DNAH9: variants seen among roughly 807,000 people sequenced by gnomAD.
DNAH9 encodes the protein dynein axonemal heavy chain 9, also known as DNAH9 variant protein.
A neutral mutation model predicts 471.6 loss-of-function variants in DNAH9; 345 were observed. The observed-to-expected ratio is 0.73, with a 90% CI of 0.67 to 0.80. DNAH9 has a LOEUF of 0.80. Ranked by LOEUF, DNAH9 falls within the 30% of genes least tolerant of loss-of-function variation. DNAH9 has a pLI of 0.00. For synonymous variants in DNAH9, 2,093 were observed against 2,123.6 expected, an observed-to-expected ratio of 0.99 and a Z score of 0.40; for missense variants, 5,407 against 5,609.2, an observed-to-expected ratio of 0.96 and a Z score of 1.15.
chr17:11,926,839 T>C (rs1435018657), intron 62 of DNAH9, among the ~76,000 whole-genome samples: 2 of 152,216 alleles, frequency 1.3e-5, no homozygotes, highest in Non-Finnish European at 2.9e-5. Flanking sequence ...CTACACTGTC[T>C]TCCACAACGG....
At chr17:11,660,232 A>G (rs2073732770) in intron 14 of DNAH9, among the ~76,000 whole-genome samples, 1 of 151,444 alleles carries the variant, frequency 6.6e-6, no homozygotes, top group Non-Finnish European at 1.5e-5. Flanking sequence ...GCTGATGGTG[A>G]TACTAGTTAC....
At chr17:11,860,099 C>T (rs1156506161) in intron 50 of DNAH9, among the ~76,000 whole-genome samples, 2 of 152,224 alleles carry the variant, frequency 1.3e-5, no homozygotes, top group Admixed American at 1.3e-4. Context: ...TGTCCATAGA[C>T]TGATCTGCAA....
chr17:11,677,697 C>CT lies in DNAH9; in HGVS notation c.3354-2055dup, dbSNP rs563107798. ...GTTCTTTTAGTTTGCTATTCTTTTT[C>CT]TTTTTCATTGACTTCCTTTTTTGTC... On this transcript the variant is annotated intron_variant, in intron 17 of 68. Transcript: ENST00000262442. Among the ~76,000 whole-genome samples the CT allele has an allele frequency of 1.6e-4, 24 of 151,958 alleles. No homozygotes were observed. In the South Asian group the frequency reaches 4.6e-3, roughly 29 times the overall value.
chr17:11,707,819 C>T (rs1239464080), intron 26 of DNAH9, among the ~76,000 whole-genome samples: 8 of 152,066 alleles, frequency 5.3e-5, no homozygotes, highest in Non-Finnish European at 1.2e-4. Flanking sequence ...CACCTCAGCA[C>T]CTGCACACAC....
intron 56 of DNAH9, among the ~76,000 whole-genome samples, chr17:11,885,332 G>A (rs1444569503): frequency 2.6e-5 from 4 of 152,200 alleles, no homozygotes; most frequent in Non-Finnish European, 4.4e-5. Flanking sequence ...GGGGGTGGGA[G>A]CTGGAAGTGG....
chr17:11,823,133 A>T, intron 48 of DNAH9, 99 bp downstream of exon 48: 1 of 1,023,962 alleles, frequency 9.8e-7, no homozygotes. Context: ...GATCTGAAAA[A>T]TATGTACGGT....
intron 43 of DNAH9, among the ~76,000 whole-genome samples, chr17:11,801,940 G>A (rs547291465): frequency 5.3e-5 from 8 of 152,170 alleles, no homozygotes; most frequent in African/African-American, 1.9e-4. Context: ...TTCTTCCATA[G>A]GCTTATAAAC....
intron 14 of DNAH9, among the ~76,000 whole-genome samples, chr17:11,657,659 A>T (rs1015308728): frequency 2.6e-5 from 4 of 151,936 alleles, no homozygotes; most frequent in Non-Finnish European, 4.4e-5. Context: ...TTTCTTTTAG[A>T]AGTTTTACAG....
chr17:11,792,972 A>T (rs180847857), intron 41 of DNAH9, among the ~76,000 whole-genome samples: 1 of 152,354 alleles, frequency 6.6e-6, no homozygotes, highest in Admixed American at 6.5e-5. Context: ...TCATCTGGCG[A>T]AGCATCTAGT....
chr17:11,942,810 A>T (rs1974972277), intron 67 of DNAH9, among the ~76,000 whole-genome samples: 1 of 151,644 alleles, frequency 6.6e-6, no homozygotes, highest in Non-Finnish European at 1.5e-5. Flanking sequence ...ATTACTGTTC[A>T]CTCCGATGAC....
chr17:11,834,909 T>C lies in DNAH9; in HGVS notation c.9507+11T>C, dbSNP rs375324976. On this transcript the variant is annotated intron_variant, in intron 49 of 68. Transcript: ENST00000262442. Reference sequence around the variant, plus strand: ...AACACCCTGAACAAGGTAGGAGGACTGTCTGCCATACCTGCTCATCCCTCA... The same window carrying C: ...AACACCCTGAACAAGGTAGGAGGACCGTCTGCCATACCTGCTCATCCCTCA... 58 of 1,610,734 alleles carry C rather than the reference T, an allele frequency of 3.6e-5. No individual in the cohort carries two copies. Among genetic ancestry groups the C allele is most frequent in the African/African-American group, 2.5e-4 (19 of 74,866 alleles).
rs1974461213 is a variant in DNAH9 at position 11,930,164 on chromosome 17, G to A, written c.12105+71G>A. 11 of 1,340,296 alleles carry A rather than the reference G, an allele frequency of 8.2e-6. No homozygotes were observed. The South Asian group carries it at 1.2e-4, about 14-fold the overall frequency. 83.0% of individuals were successfully genotyped at this position (1,340,296 alleles called of 1,614,324 possible). ...CAGCTGATGCAAACTGGTGGGGGGA[G>A]AGCATGCAACTCAGAAGGGAGTCGG... On this transcript the variant is annotated intron_variant, in intron 63 of 68. Coordinates refer to ENST00000262442, the MANE Select transcript of DNAH9 (RefSeq NM_001372.4).
Position 11,680,726 on chromosome 17 carries a change from C to G in DNAH9, c.3580C>G (p.Leu1194Val), listed in dbSNP as rs1365799463. The change falls in exon 19 of 69, where the codon CTG becomes GTG. Residue 1194 changes from leucine to valine, a missense_variant. By Grantham distance (32) the Leu-to-Val change is conservative. Transcript: ENST00000262442. Reference sequence around the variant, plus strand: ...CACACTGAGGTTTCCTTTGCAGGAGCTGCCTGAGAAATGGAACAACATAAA... The same window carrying G: ...CACACTGAGGTTTCCTTTGCAGGAGGTGCCTGAGAAATGGAACAACATAAA... ...PETVFKQLEE[L>V]PEKWNNIKKV... 2 of 1,613,906 alleles carry G rather than the reference C, an allele frequency of 1.2e-6. No individual in the cohort carries two copies. Among genetic ancestry groups the G allele is most frequent in the Non-Finnish European group, 1.7e-6 (2 of 1,179,900 alleles).
intron 57 of DNAH9, among the ~76,000 whole-genome samples, chr17:11,887,684 G>A (rs1597791122): frequency 6.6e-6 from 1 of 151,816 alleles, no homozygotes; most frequent in Non-Finnish European, 1.5e-5. Context: ...CAGAGAAACA[G>A]GAGAGAGAGA....
intron 12 of DNAH9, 90 bp from the exon 13 acceptor site, chr17:11,650,979 G>A (rs2073494593): frequency 7.4e-7 from 1 of 1,355,996 alleles, no homozygotes; most frequent in Admixed American, 2.2e-5. Flanking sequence ...AAGATCTTTG[G>A]GCCTCCTGGG....
chr17:11,938,965 A>C (rs1441007542), intron 66 of DNAH9, among the ~76,000 whole-genome samples: 1 of 152,222 alleles, frequency 6.6e-6, no homozygotes, highest in Non-Finnish European at 1.5e-5. Context: ...GAAGATTATC[A>C]AACTTTTAGC....
intron 41 of DNAH9, among the ~76,000 whole-genome samples, chr17:11,792,338 A>G (rs1010359767): frequency 6.6e-6 from 1 of 152,218 alleles, no homozygotes; most frequent in African/African-American, 2.4e-5. Context: ...CTTGTATTCT[A>G]TGTTAATGGA....
At chr17:11,879,838 C>G (rs1180070315) in intron 53 of DNAH9, among the ~76,000 whole-genome samples, 1 of 152,128 alleles carries the variant, frequency 6.6e-6, no homozygotes, top group Admixed American at 6.5e-5. Flanking sequence ...ACGTTGAAGA[C>G]ACATTATGGT....
Position 11,599,647 on chromosome 17 carries a change from CAGG to C in DNAH9, c.417+735_417+737del, listed in dbSNP as rs563968046. Reference sequence around the variant, plus strand: ...CACCACAGCAGAAGCTTCGAGAATGCAGGAGATTTCAGGGAAGTGCTCCAGAGA... The same window carrying C: ...CACCACAGCAGAAGCTTCGAGAATGCAGATTTCAGGGAAGTGCTCCAGAGA... On this transcript the variant is annotated intron_variant, in intron 1 of 68. Transcript: ENST00000262442. 5.5e-4 allele frequency among the ~76,000 whole-genome samples: 83 copies of C among 152,232 alleles called. 1 individual carries two copies. In the East Asian group the frequency reaches 0.011, roughly 20 times the overall value.
Sources: gnomAD v4.1 joint callset for allele counts (sites outside exome capture counted in the v4.1 genomes callset) on GRCh38, gnomAD v4.1.1 for gene constraint, MANE v1.5 for transcripts, NCBI Gene and HGNC (gene_info 2026-07-23, HGNC 2026-07-21) for gene names.